Variants in TMEM130 observed in about 807,000 individuals in gnomAD.
The protein encoded by TMEM130 is transmembrane protein 130.
A neutral mutation model predicts 42.9 loss-of-function variants in TMEM130; 37 were observed. That is an observed-to-expected ratio of 0.86 (90% CI 0.66 to 1.13). The LOEUF (loss-of-function observed/expected upper bound fraction) is 1.13, where lower values mean the gene tolerates loss of function less well. TMEM130 is among the 50% of genes most tolerant of loss of function. TMEM130 has a pLI of 0.00. For synonymous variants in TMEM130, 259 were observed against 237.7 expected (o/e 1.09, Z -0.82); for missense variants, 545 against 562.6 (o/e 0.97, Z 0.32).
Position 98,869,428 on chromosome 7 carries a change from G to A in TMEM130, c.85+349C>T, listed in dbSNP as rs1183975502. ...CGATGACGGACCCTGGCGCATCCCC[G>A]CCTCCCTGCCTCGTCCTCCCCTCCC... On this transcript the variant is annotated intron_variant, in intron 1 of 7. Transcript: ENST00000339375. The surrounding 1 kb of genome is among the most constrained non-coding windows in gnomAD (Gnocchi z 4.7). 3.3e-6 allele frequency: 4 copies of A among 1,204,622 alleles called. No homozygotes were observed. The highest frequency in any genetic ancestry group is 4.0e-5 in the Admixed American group (1 of 25,248). The allele number at this position is 1,204,622 out of a possible 1,614,324, so 74.6% of individuals were successfully genotyped here.
At chr7:98,864,180 G>A (rs1227585201) in intron 1 of TMEM130, among the ~76,000 whole-genome samples, 1 of 151,982 alleles carries the variant, frequency 6.6e-6, no homozygotes, top group Non-Finnish European at 1.5e-5. Context: ...AGGCCACACA[G>A]AGAACATTTC....
At chr7:98,857,711 C>CA (rs756827103) in intron 3 of TMEM130, among the ~76,000 whole-genome samples, 2 of 121,620 alleles carry the variant, frequency 1.6e-5, no homozygotes, top group Non-Finnish European at 3.3e-5. Context: ...AAAACAGAAA[C>CA]AAAAACACAT....
chr7:98,848,748 T>G (rs560414174), intron 6 of TMEM130, 53 bp from the exon 7 acceptor site: 1 of 1,238,842 alleles, frequency 8.1e-7, no homozygotes, highest in Non-Finnish European at 1.2e-6. Context: ...ACTACAGTGC[T>G]GGTTCTCAGG....
rs1002932052 is a variant in TMEM130, at chr7:98,863,945, T to A, written c.86-545A>T. The stretch of plus-strand genomic sequence containing the variant: ...CTGGATCTCACTCTGTAACCCAGAC[T>A]GGAGTACAATCATCACAGTTCGCTG... On this transcript the variant is annotated intron_variant, in intron 1 of 7. Coordinates refer to ENST00000339375, the MANE Select transcript of TMEM130 (RefSeq NM_152913.3). Among the ~76,000 whole-genome samples the A allele has an allele frequency of 2.6e-5, 4 of 151,656 alleles. No homozygotes were observed. In the South Asian group the frequency reaches 6.3e-4, roughly 24 times the overall value.
In TMEM130 at chr7:98,856,033, G is replaced by A; in HGVS notation, c.702C>T (p.Ala234=). 1.9e-6 allele frequency: 3 copies of A among 1,613,248 alleles called. No individual in the cohort carries two copies. The highest frequency in any genetic ancestry group is 1.7e-6 in the Non-Finnish European group (2 of 1,180,034). The change falls in exon 4 of 8, where the codon GCC becomes GCT. Residue 234 remains alanine, a synonymous_variant. Transcript: ENST00000339375. ...AVKQKTGDFS[A]SLKLQETLRG... ...GACACCCACCCTGCAGCTTCAGCGA[G>A]GCGGAGAAGTCCCCGGTCTTCTGCT...
rs782346303 is a variant in TMEM130 at position 98,848,595 on chromosome 7, C to T, written c.1107G>A (p.Lys369=). Reference sequence around the variant, plus strand: ...ACTGAGTACCCACCTCCACCATGTCCTTTTGCTGAGTGGCATTCCGCAGGG... The same window carrying T: ...ACTGAGTACCCACCTCCACCATGTCTTTTTGCTGAGTGGCATTCCGCAGGG... The part of the protein sequence containing the change: ...YMTLRNATQQ[K]DMVENPEPPS... Residue 369 remains lysine, a synonymous_variant, in exon 7 of 8, where the codon AAG becomes AAA. Transcript: ENST00000339375. The T allele has an allele frequency of 3.6e-5, 58 of 1,611,952 alleles. No homozygotes were observed. Among genetic ancestry groups the T allele is most frequent in the Non-Finnish European group, 4.9e-5 (58 of 1,178,116 alleles).
rs782174455 is a variant in TMEM130, at chr7:98,859,492, GATTCACC to G, written c.551+680_551+686del. ...CACCACAAAGGCAGGGCTAGTGGCTGATTCACCAGTGTTCTCCGGGACCCCCAGTCGT... is the reference window on the plus strand; with the variant it reads ...CACCACAAAGGCAGGGCTAGTGGCTGAGTGTTCTCCGGGACCCCCAGTCGT... On this transcript the variant is annotated intron_variant, in intron 3 of 7. Transcript: ENST00000339375. Among the ~76,000 whole-genome samples the G allele has an allele frequency of 4.0e-4, 61 of 152,146 alleles. 1 individual carries two copies. The highest frequency in any genetic ancestry group is 5.3e-4 in the Non-Finnish European group (36 of 68,032).
chr7:98,867,601 T>C (rs1385004015), intron 1 of TMEM130, among the ~76,000 whole-genome samples: 1 of 152,004 alleles, frequency 6.6e-6, no homozygotes, highest in African/African-American at 2.4e-5. Flanking sequence ...CGCAGATCGG[T>C]TGCCAGGGGA....
chr7:98,847,824 C>T lies in TMEM130; in HGVS notation c.*232G>A, dbSNP rs188345679. ...GGTAGGGGGTCAAGGGGGTGGTAAC[C>T]GAGTGGGGCTTATGTCAGTGGCTGG... is the stretch of plus-strand genomic sequence containing the variant. On this transcript the variant is annotated 3_prime_UTR_variant, in exon 8 of 8. Coordinates refer to ENST00000339375, the MANE Select transcript of TMEM130 (RefSeq NM_152913.3). The T allele has an allele frequency of 1.4e-3, 571 of 408,752 alleles. No individual in the cohort carries two copies. The highest frequency in any genetic ancestry group is 3.4e-3 in the South Asian group (47 of 13,716). The allele number at this position is 408,752 out of a possible 1,614,324, so 25.3% of individuals were successfully genotyped here. A position where few individuals can be genotyped will look rare whatever the true frequency, so the allele number is the denominator to read the frequency against.
chr7:98,863,834 C>T (rs1226012071), intron 1 of TMEM130, among the ~76,000 whole-genome samples: 2 of 148,608 alleles, frequency 1.3e-5, no homozygotes, highest in African/African-American at 5.0e-5. Context: ...TCCCTTCCTT[C>T]CTTCCTTTTC....
chr7:98,868,976 T>G (rs923746655), intron 1 of TMEM130, among the ~76,000 whole-genome samples: 2 of 152,184 alleles, frequency 1.3e-5, no homozygotes, highest in Non-Finnish European at 2.9e-5. Flanking sequence ...TCCCTTGCTC[T>G]CTCTCTCCAC....
Position 98,860,254 on chromosome 7 carries a change from A to G in TMEM130, c.476T>C (p.Val159Ala). 3 of 1,613,780 alleles carry G rather than the reference A, an allele frequency of 1.9e-6. No individual in the cohort carries two copies. The highest frequency in any genetic ancestry group is 2.5e-6 in the Non-Finnish European group (3 of 1,179,920). The change falls in exon 3 of 8, where the codon GTC becomes GCC. Residue 159 changes from valine (V) to alanine (A), a missense_variant. By Grantham distance (64) the Val-to-Ala change is moderately conservative. Coordinates refer to ENST00000339375, the MANE Select transcript of TMEM130 (RefSeq NM_152913.3). ...SSYLTKTVLKVSFLLHDPSNF... is the reference protein window; with the variant it reads ...SSYLTKTVLKASFLLHDPSNF... Reference sequence around the variant, plus strand: ...GCTCGGGTCGTGGAGGAGGAAGGAGACTTTCAGGACGGTCTTAGTGAGATA... The same window carrying G: ...GCTCGGGTCGTGGAGGAGGAAGGAGGCTTTCAGGACGGTCTTAGTGAGATA...
At position 98,862,984 on chromosome 7, in the gene TMEM130, CCCCCAGAACCTACGGGCCTAAT is replaced by C. The variant is rs571833648; in HGVS notation, c.391+89_391+110del. On this transcript the variant is annotated intron_variant, in intron 2 of 7. Transcript: ENST00000339375. ...CGGGGAAGGAACCTACGGGCCTAAT[CCCCCAGAACCTACGGGCCTAAT>C]CTGCATTGATCTGATTCCTAGCGAA... 2.8e-3 allele frequency: 3,291 copies of C among 1,179,596 alleles called. 66 individuals are homozygous for C. The African/African-American group carries it at 0.092, about 33-fold the overall frequency. The allele number at this position is 1,179,596 out of a possible 1,614,324, so 73.1% of individuals were successfully genotyped here.
At chr7:98,848,886 C>T (rs1554397803) in intron 6 of TMEM130, among the ~76,000 whole-genome samples, 191 bp from the exon 7 acceptor site, 1 of 152,114 alleles carries the variant, frequency 6.6e-6, no homozygotes, top group East Asian at 1.9e-4. Context: ...AAACTGGGGT[C>T]TGGGTAGGGG....
At chr7:98,848,518 C>G in intron 7 of TMEM130, 65 bp downstream of exon 7, 1 of 1,188,040 alleles carries the variant, frequency 8.4e-7, no homozygotes, top group Non-Finnish European at 1.3e-6. Context: ...GGCCCCCATA[C>G]CCTCTCTAAA....
chr7:98,848,496 G>T, intron 7 of TMEM130, 87 bp downstream of exon 7: 1 of 997,192 alleles, frequency 1.0e-6, no homozygotes, highest in Non-Finnish European at 1.6e-6. Context: ...CCCCCTCCAG[G>T]CATCCTGGCC....
At chr7:98,850,288 T>TTTTTTTTTTTTA (rs1554398034) in intron 6 of TMEM130, among the ~76,000 whole-genome samples, 2 of 112,514 alleles carry the variant, frequency 1.8e-5, no homozygotes, top group African/African-American at 6.1e-5. Flanking sequence ...TTTTTTTTTT[T>TTTTTTTTTTTTA]AATTTTTTGA....
In TMEM130 at chr7:98,847,626, CCTT is replaced by C. The variant is rs2116052154; in HGVS notation, c.*427_*429del. On this transcript the variant is annotated 3_prime_UTR_variant, in exon 8 of 8. Coordinates refer to ENST00000339375, the MANE Select transcript of TMEM130 (RefSeq NM_152913.3). ...GTTATGGATTTTTAACCCTTTATGA[CCTT>C]CTTTCTAGCTCTCTGGCACAGGTAG... The C allele has an allele frequency of 6.3e-6, 1 of 158,252 alleles. No individual in the cohort carries two copies. Among genetic ancestry groups the C allele is most frequent in the African/African-American group, 2.4e-5 (1 of 41,664 alleles). The allele number at this position is 158,252 out of a possible 1,614,324, so 9.8% of individuals were successfully genotyped here. A position where few individuals can be genotyped will look rare whatever the true frequency, so the allele number is the denominator to read the frequency against.
At position 98,869,697 on chromosome 7, in the gene TMEM130, G is replaced by C. The variant is rs1027296867; in HGVS notation, c.85+80C>G. 4.6e-6 allele frequency: 5 copies of C among 1,084,882 alleles called. No homozygotes were observed. The highest frequency in any genetic ancestry group is 6.0e-6 in the Non-Finnish European group (5 of 828,612). The allele number at this position is 1,084,882 out of a possible 1,614,324, so 67.2% of individuals were successfully genotyped here. On this transcript the variant is annotated intron_variant, in intron 1 of 7. Coordinates refer to ENST00000339375, the MANE Select transcript of TMEM130 (RefSeq NM_152913.3). The surrounding 1 kb of genome is among the most constrained non-coding windows in gnomAD (Gnocchi z 4.7). The stretch of plus-strand genomic sequence containing the variant: ...TGCCACCTCCGCAATCCCTGCTCCC[G>C]GGCCCACTCGCCCGCTGAGACGGTT...
Sources: gnomAD v4.1 joint callset for allele counts (sites outside exome capture counted in the v4.1 genomes callset) on GRCh38, gnomAD v4.1.1 for gene constraint, Gnocchi (gnomAD v3.1) non-coding constraint, MANE v1.5 for transcripts, NCBI Gene and HGNC (gene_info 2026-07-23, HGNC 2026-07-21) for gene names.